Variants in MIER1 observed in about 807,000 individuals in gnomAD.
The protein encoded by MIER1 is mesoderm induction early response protein 1.
Under a neutral mutation model 75.7 loss-of-function variants are expected in MIER1, and 40 were observed. The observed-to-expected ratio is 0.53, with a 90% CI of 0.41 to 0.69. MIER1 has a LOEUF of 0.69. Ranked by LOEUF, MIER1 falls within the 30% of genes least tolerant of loss-of-function variation. The probability of loss-of-function intolerance (pLI) is 0.00; values close to 1 mark genes in which losing one functional copy is unlikely to be tolerated. For missense variants in MIER1, 574 were observed against 680.2 expected, an observed-to-expected ratio of 0.84 and a Z score of 1.74; for synonymous variants, 213 against 223.4, an observed-to-expected ratio of 0.95 and a Z score of 0.42.
intron 9 of MIER1, 36 bp from the exon 10 acceptor site, chr1:66,971,619 G>A: frequency 9.4e-7 from 1 of 1,058,260 alleles, no homozygotes; most frequent in Non-Finnish European, 1.4e-6. Context: ...ACTGTTTATA[G>A]TCCTTGTCAC....
At chr1:66,975,678 C>G (rs1215128760) in intron 11 of MIER1, among the ~76,000 whole-genome samples, 1 of 152,120 alleles carries the variant, frequency 6.6e-6, no homozygotes, top group African/African-American at 2.4e-5. Flanking sequence ...TCATTTAATT[C>G]CGTAGGCATT....
chr1:66,972,728 T>A (rs1428202556), intron 10 of MIER1, among the ~76,000 whole-genome samples, 169 bp from the exon 11 acceptor site: 1 of 152,028 alleles, frequency 6.6e-6, no homozygotes, highest in Non-Finnish European at 1.5e-5. Flanking sequence ...CAAAATCTTA[T>A]TAAATAAGGA....
chr1:66,928,479 A>T (rs1459438268), intron 2 of MIER1, among the ~76,000 whole-genome samples: 5 of 152,126 alleles, frequency 3.3e-5, no homozygotes, highest in Non-Finnish European at 4.4e-5. Context: ...TCATATGTTA[A>T]TGGAAAACCC....
intron 7 of MIER1, among the ~76,000 whole-genome samples, chr1:66,962,019 A>G (rs1661345036): frequency 6.6e-6 from 1 of 152,248 alleles, no homozygotes; most frequent in African/African-American, 2.4e-5. Flanking sequence ...CCTAAGAGTT[A>G]CCAAAACTTC....
chr1:66,945,477 A>T (rs776509416), intron 3 of MIER1, among the ~76,000 whole-genome samples: 1 of 152,032 alleles, frequency 6.6e-6, no homozygotes, highest in East Asian at 1.9e-4. Context: ...ATCCACATAC[A>T]CAGAAGCCAT....
chr1:66,949,657 G>A (rs1256377458), intron 4 of MIER1, among the ~76,000 whole-genome samples: 1 of 152,192 alleles, frequency 6.6e-6, no homozygotes, highest in Non-Finnish European at 1.5e-5. Flanking sequence ...ATTTCCTAGA[G>A]TTATTAACTC....
At chr1:66,964,061 C>T (rs1033077904) in intron 8 of MIER1, among the ~76,000 whole-genome samples, 1 of 150,932 alleles carries the variant, frequency 6.6e-6, no homozygotes, top group East Asian at 1.9e-4. Flanking sequence ...CAATAACATA[C>T]AATACTTGAA....
intron 2 of MIER1, among the ~76,000 whole-genome samples, chr1:66,934,928 T>C (rs1654400246): frequency 6.6e-6 from 1 of 152,122 alleles, no homozygotes. Context: ...CCCATCTCCA[T>C]TGCTGTGAGA....
intron 4 of MIER1, among the ~76,000 whole-genome samples, chr1:66,950,348 A>T (rs1235356272): frequency 6.6e-6 from 1 of 152,112 alleles, no homozygotes; most frequent in African/African-American, 2.4e-5. Flanking sequence ...GCCTCAAGTG[A>T]TCTGCCCATC....
intron 4 of MIER1, among the ~76,000 whole-genome samples, chr1:66,950,417 A>G (rs561485085): frequency 6.8e-4 from 104 of 152,230 alleles, no homozygotes; most frequent in African/African-American, 2.3e-3. Flanking sequence ...CCATAGATAC[A>G]TTTTTGTTTG....
intron 8 of MIER1, among the ~76,000 whole-genome samples, chr1:66,970,179 A>G (rs1456696146): frequency 2.0e-5 from 3 of 152,148 alleles, no homozygotes; most frequent in African/African-American, 7.2e-5. Context: ...TCTTCTTATA[A>G]TGGAAATTAT....
chr1:66,951,026 AACC>A (rs1658810518), intron 4 of MIER1, among the ~76,000 whole-genome samples: 1 of 152,224 alleles, frequency 6.6e-6, no homozygotes, highest in Non-Finnish European at 1.5e-5. Context: ...CTTAATGACT[AACC>A]TCCTGATGTG....
At chr1:66,960,016 C>A (rs553565925) in intron 7 of MIER1, 2 of 205,616 alleles carry the variant, frequency 9.7e-6, no homozygotes, top group Non-Finnish European at 1.9e-5. Context: ...CCCAGGAGTT[C>A]GAGACCAGCC....
intron 2 of MIER1, chr1:66,930,291 G>C (rs1652818617): frequency 2.6e-6 from 4 of 1,554,880 alleles, no homozygotes; most frequent in Non-Finnish European, 3.5e-6. Flanking sequence ...GAGCGGCAGA[G>C]ACGGCAGCGG....
At chr1:66,970,752 A>G in intron 8 of MIER1, 56 bp from the exon 9 acceptor site, 1 of 1,338,276 alleles carries the variant, frequency 7.5e-7, no homozygotes, top group Non-Finnish European at 1.0e-6. Context: ...ATATGTTTTA[A>G]CACAAACTCT....
intron 2 of MIER1, among the ~76,000 whole-genome samples, chr1:66,939,461 A>G (rs767615722): frequency 6.6e-6 from 1 of 152,158 alleles, no homozygotes; most frequent in Non-Finnish European, 1.5e-5. Context: ...AATGCTTGCT[A>G]ATTCTGTTAT....
In MIER1 at chr1:66,986,237, C is replaced by T. The variant is rs979999678; in HGVS notation, c.*1337C>T. The stretch of plus-strand genomic sequence containing the variant: ...AAAATAAGATACACAATAATCATTG[C>T]TCTGTGTGATTACAGATAGGATTAT... On this transcript the variant is annotated 3_prime_UTR_variant, in exon 14 of 14. Coordinates refer to ENST00000401041, the MANE Select transcript of MIER1 (RefSeq NM_001077700.3). The T allele has an allele frequency of 8.3e-6, 11 of 1,326,816 alleles. No individual in the cohort carries two copies. The African/African-American group carries it at 1.4e-4, about 16-fold the overall frequency. 82.2% of individuals were successfully genotyped at this position (1,326,816 alleles called of 1,614,324 possible).
chr1:66,983,808 A>T (rs886313532), intron 13 of MIER1, among the ~76,000 whole-genome samples: 1 of 152,110 alleles, frequency 6.6e-6, no homozygotes, highest in African/African-American at 2.4e-5. Flanking sequence ...GCTCACTGCA[A>T]CCTCCGCCTC....
At chr1:66,929,045 G>C in intron 2 of MIER1, 2 of 858,038 alleles carry the variant, frequency 2.3e-6, no homozygotes, top group Non-Finnish European at 1.9e-6. Flanking sequence ...GGACATAACA[G>C]TTTCAAATTA....
Sources: gnomAD v4.1 joint callset for allele counts (sites outside exome capture counted in the v4.1 genomes callset) on GRCh38, gnomAD v4.1.1 for gene constraint, MANE v1.5 for transcripts, NCBI Gene and HGNC (gene_info 2026-07-23, HGNC 2026-07-21) for gene names.